ZNF865: variants seen among roughly 807,000 people sequenced by gnomAD.
The protein encoded by ZNF865 is zinc finger protein 865.
For missense variants in ZNF865, 1,311 were observed against 1,593.4 expected (o/e 0.82, Z 3.02); for synonymous variants, 763 against 750.8 (o/e 1.02, Z -0.27).
rs993134146 is a variant in ZNF865, at chr19:55,615,424, C to T, written c.1806C>T (p.Arg602=). 1.2e-5 allele frequency: 18 copies of T among 1,494,478 alleles called. No homozygotes were observed. Among genetic ancestry groups the T allele is most frequent in the Non-Finnish European group, 1.6e-5 (18 of 1,126,616 alleles). The allele number at this position is 1,494,478 out of a possible 1,614,324, so 92.6% of individuals were successfully genotyped here. A position where few individuals can be genotyped will look rare whatever the true frequency, so the allele number is the denominator to read the frequency against. The change falls in exon 2 of 2, where the codon CGC becomes CGT. Residue 602 remains arginine, a synonymous_variant. Coordinates refer to ENST00000568956, the MANE Select transcript of ZNF865 (RefSeq NM_001195605.2). The stretch of plus-strand genomic sequence containing the variant: ...GCAAGCATCACGTGGTGCACACGCG[C>T]GAGCGGCCCTACAAGTGCGAGCTCT... The part of the protein sequence containing the change: ...HLSKHHVVHT[R]ERPYKCELCG...
In ZNF865 at chr19:55,615,210, G is replaced by A; in HGVS notation, c.1592G>A (p.Gly531Asp). 2 of 1,451,634 alleles carry A rather than the reference G, an allele frequency of 1.4e-6. No homozygotes were observed. 89.9% of individuals were successfully genotyped at this position (1,451,634 alleles called of 1,614,324 possible). A position where few individuals can be genotyped will look rare whatever the true frequency, so the allele number is the denominator to read the frequency against. The change falls in exon 2 of 2, where the codon GGC becomes GAC. Residue 531 changes from glycine (G) to aspartate (D), a missense_variant. Coordinates refer to ENST00000568956, the MANE Select transcript of ZNF865 (RefSeq NM_001195605.2). ...PLLGAHPLLL[G>D]GAGTSGAGGS... Reference sequence around the variant, plus strand: ...CTGGGCGCCCACCCGCTGCTGCTCGGCGGCGCGGGGACCAGCGGGGCGGGA... The same window carrying A: ...CTGGGCGCCCACCCGCTGCTGCTCGACGGCGCGGGGACCAGCGGGGCGGGA...
chr19:55,615,211 C>G lies in ZNF865; in HGVS notation c.1593C>G (p.Gly531=). ...PLLGAHPLLL[G]GAGTSGAGGS... is the part of the protein sequence containing the mutation. ...TGGGCGCCCACCCGCTGCTGCTCGG[C>G]GGCGCGGGGACCAGCGGGGCGGGAG... Residue 531 remains glycine (G), a synonymous_variant, in exon 2 of 2, where the codon GGC becomes GGG. Coordinates refer to ENST00000568956, the MANE Select transcript of ZNF865 (RefSeq NM_001195605.2). 6.9e-7 allele frequency: 1 copy of G among 1,451,972 alleles called. No individual in the cohort carries two copies. The highest frequency in any genetic ancestry group is 9.0e-7 in the Non-Finnish European group (1 of 1,113,102). 89.9% of individuals were successfully genotyped at this position (1,451,972 alleles called of 1,614,324 possible). A position where few individuals can be genotyped will look rare whatever the true frequency, so the allele number is the denominator to read the frequency against.
Position 55,614,291 on chromosome 19 carries a change from C to T in ZNF865, c.673C>T (p.Pro225Ser). ...RLKYLMERRF[P>S]CGVCQKSFKQ... is the part of the protein sequence containing the mutation. ...GAAGTACCTGATGGAGCGGCGCTTCCCCTGCGGCGTGTGCCAGAAGTCCTT... is the reference window on the plus strand; with the variant it reads ...GAAGTACCTGATGGAGCGGCGCTTCTCCTGCGGCGTGTGCCAGAAGTCCTT... The change falls in exon 2 of 2, where the codon CCC (proline) becomes TCC (serine). Residue 225 changes from proline to serine, a missense_variant. By Grantham distance (74) the Pro-to-Ser change is moderately conservative (BLOSUM62 -1). Coordinates refer to ENST00000568956, the MANE Select transcript of ZNF865 (RefSeq NM_001195605.2). This position sits in a 1 kb window ranked among gnomAD's most constrained non-coding sequence, Gnocchi z 8.0. The T allele has an allele frequency of 6.6e-7, 1 of 1,511,722 alleles. No homozygotes were observed. Among genetic ancestry groups the T allele is most frequent in the Non-Finnish European group, 8.8e-7 (1 of 1,135,272 alleles). 93.6% of individuals were successfully genotyped at this position (1,511,722 alleles called of 1,614,324 possible).
At position 55,611,513 on chromosome 19, in the gene ZNF865, T is replaced by A. The variant is rs1003030958; in HGVS notation, c.-26-2080T>A. On this transcript the variant is annotated intron_variant, in intron 1 of 1. Coordinates refer to ENST00000568956, the MANE Select transcript of ZNF865 (RefSeq NM_001195605.2). This position sits in a 1 kb window ranked among gnomAD's most constrained non-coding sequence, Gnocchi z 4.5. Reference sequence around the variant, plus strand: ...CCTGTCCTCTTTCCGGAGATCAGATTAAACGGAGGGGGTGTGAAGGGCATG... The same window carrying A: ...CCTGTCCTCTTTCCGGAGATCAGATAAAACGGAGGGGGTGTGAAGGGCATG... 3.9e-5 allele frequency among the ~76,000 whole-genome samples: 6 copies of A among 152,188 alleles called. No individual in the cohort carries two copies. The highest frequency in any genetic ancestry group is 1.4e-4 in the African/African-American group (6 of 41,444).
rs1389247690 is a variant in ZNF865, at chr19:55,614,158, C to T, written c.540C>T (p.Pro180=). 3.5e-6 allele frequency: 5 copies of T among 1,448,724 alleles called. No individual in the cohort carries two copies. Among genetic ancestry groups the T allele is most frequent in the East Asian group, 5.4e-5 (2 of 36,876 alleles). 89.7% of individuals were successfully genotyped at this position (1,448,724 alleles called of 1,614,324 possible). A position where few individuals can be genotyped will look rare whatever the true frequency, so the allele number is the denominator to read the frequency against. The part of the protein sequence containing the change: ...GPGVTPGLGA[P]AGAPGPLPAP... ...GGGTGACGCCTGGGCTGGGCGCTCC[C>T]GCGGGGGCCCCAGGGCCGCTTCCTG... Residue 180 remains proline (P), a synonymous_variant, in exon 2 of 2, where the codon CCC becomes CCT. Coordinates refer to ENST00000568956, the MANE Select transcript of ZNF865 (RefSeq NM_001195605.2). This position sits in a 1 kb window ranked among gnomAD's most constrained non-coding sequence, Gnocchi z 8.0.
chr19:55,606,651 C>T (rs1600006247), intron 1 of ZNF865, among the ~76,000 whole-genome samples: 2 of 152,234 alleles, frequency 1.3e-5, no homozygotes, highest in East Asian at 3.8e-4. Context: ...GGCTATCGTC[C>T]TGGACTCCCT....
chr19:55,614,792 A>G lies in ZNF865; in HGVS notation c.1174A>G (p.Ser392Gly), dbSNP rs1194540789. ...CAGCAAAAGCTTCAACCGCAGGGAG[A>G]GTCTGAAGCGCCACGTGAAGACGCA... Reference protein sequence around the residue: ...VCSKSFNRRESLKRHVKTHSA... With the variant: ...VCSKSFNRREGLKRHVKTHSA... The change falls in exon 2 of 2, where the codon AGT (serine) becomes GGT (glycine). Residue 392 changes from serine to glycine, a missense_variant. Coordinates refer to ENST00000568956, the MANE Select transcript of ZNF865 (RefSeq NM_001195605.2). The surrounding 1 kb of genome is among the most constrained non-coding windows in gnomAD (Gnocchi z 8.0). 1.3e-6 allele frequency: 2 copies of G among 1,553,684 alleles called. No individual in the cohort carries two copies. Among genetic ancestry groups the G allele is most frequent in the Non-Finnish European group, 1.7e-6 (2 of 1,158,844 alleles).
chr19:55,614,210 C>T lies in ZNF865; in HGVS notation c.592C>T (p.Pro198Ser), dbSNP rs1389262414. The T allele has an allele frequency of 2.0e-6, 3 of 1,506,426 alleles. No homozygotes were observed. The East Asian group carries it at 8.0e-5, about 40-fold the overall frequency. The allele number at this position is 1,506,426 out of a possible 1,614,324, so 93.3% of individuals were successfully genotyped here. The change falls in exon 2 of 2, where the codon CCC (proline) becomes TCC (serine). Residue 198 changes from proline (P) to serine (S), a missense_variant. By Grantham distance (74) the Pro-to-Ser change is moderately conservative (BLOSUM62 -1). Transcript: ENST00000568956. This position sits in a 1 kb window ranked among gnomAD's most constrained non-coding sequence, Gnocchi z 8.0. ...PAPSQTPPGP[P>S]AAAACDPTKD... ...CCCCTCGCAGACCCCGCCAGGACCC[C>T]CCGCGGCGGCGGCCTGCGACCCCAC...
At position 55,615,191 on chromosome 19, in the gene ZNF865, G is replaced by C; in HGVS notation, c.1573G>C (p.Ala525Pro). Residue 525 changes from alanine to proline, a missense_variant, in exon 2 of 2, where the codon GCC becomes CCC. Physicochemically the swap from Ala to Pro is conservative, Grantham distance 27. Transcript: ENST00000568956. ...CGCTGTGCCCGTCCCGCTCCTGGGCGCCCACCCGCTGCTGCTCGGCGGCGC... is the reference window on the plus strand; with the variant it reads ...CGCTGTGCCCGTCCCGCTCCTGGGCCCCCACCCGCTGCTGCTCGGCGGCGC... ...YGAVPVPLLG[A>P]HPLLLGGAGT... 1 of 1,405,426 alleles carries C rather than the reference G, an allele frequency of 7.1e-7. No individual in the cohort carries two copies. Among genetic ancestry groups the C allele is most frequent in the Non-Finnish European group, 9.2e-7 (1 of 1,091,488 alleles). The allele number at this position is 1,405,426 out of a possible 1,614,324, so 87.1% of individuals were successfully genotyped here.
chr19:55,616,660 C>T lies in ZNF865; in HGVS notation c.3042C>T (p.Gly1014=). Residue 1014 remains glycine (G), a synonymous_variant, in exon 2 of 2, where the codon GGC becomes GGT. Coordinates refer to ENST00000568956, the MANE Select transcript of ZNF865 (RefSeq NM_001195605.2). ...AGCACCTGGCTGCCCACCAGGGCGG[C>T]CGGCCCTTCCGCTGCTCCTCCTGCG... is the stretch of plus-strand genomic sequence containing the variant. ...FRKHLAAHQG[G]RPFRCSSCGE... 2.0e-6 allele frequency: 3 copies of T among 1,529,454 alleles called. No homozygotes were observed. Among genetic ancestry groups the T allele is most frequent in the Middle Eastern group, 3.4e-4 (2 of 5,952 alleles). The allele number at this position is 1,529,454 out of a possible 1,614,324, so 94.7% of individuals were successfully genotyped here. A position where few individuals can be genotyped will look rare whatever the true frequency, so the allele number is the denominator to read the frequency against.
chr19:55,607,728 A>G (rs1303490581), intron 1 of ZNF865, among the ~76,000 whole-genome samples: 1 of 152,124 alleles, frequency 6.6e-6, no homozygotes, highest in Non-Finnish European at 1.5e-5. Context: ...AAGAGTAAAA[A>G]TTCCCCTTCT....
intron 1 of ZNF865, among the ~76,000 whole-genome samples, chr19:55,609,538 T>C (rs1231035509): frequency 1.1e-4 from 17 of 152,176 alleles, no homozygotes; most frequent in African/African-American, 2.4e-5. Flanking sequence ...CAAGGCAGCG[T>C]TGTTGCAGCA....
chr19:55,615,826 C>T lies in ZNF865; in HGVS notation c.2208C>T (p.Pro736=). 6.6e-7 allele frequency: 1 copy of T among 1,508,418 alleles called. No individual in the cohort carries two copies. Among genetic ancestry groups the T allele is most frequent in the South Asian group, 1.2e-5 (1 of 80,730 alleles). The allele number at this position is 1,508,418 out of a possible 1,614,324, so 93.4% of individuals were successfully genotyped here. ...LLPPAPGGLQ[P]PDGSSGTDAA... is the part of the protein sequence containing the mutation. ...CGCCCGCACCCGGCGGCCTGCAGCCCCCGGACGGCTCCAGCGGCACGGATG... is the reference window on the plus strand; with the variant it reads ...CGCCCGCACCCGGCGGCCTGCAGCCTCCGGACGGCTCCAGCGGCACGGATG... The change falls in exon 2 of 2, where the codon CCC becomes CCT. Residue 736 remains proline, a synonymous_variant. Transcript: ENST00000568956.
Position 55,613,866 on chromosome 19 carries a change from C to T in ZNF865, c.248C>T (p.Ser83Phe). Reference protein sequence around the residue: ...PPPQYDYPPQSTFKPKAEVPS... With the variant: ...PPPQYDYPPQFTFKPKAEVPS... ...CCGCAGTATGACTACCCGCCCCAGTCCACCTTCAAGCCCAAGGCGGAGGTG... is the reference window on the plus strand; with the variant it reads ...CCGCAGTATGACTACCCGCCCCAGTTCACCTTCAAGCCCAAGGCGGAGGTG... Residue 83 changes from serine to phenylalanine, a missense_variant, in exon 2 of 2, where the codon TCC becomes TTC. Physicochemically the swap from Ser to Phe is radical, Grantham distance 155 (BLOSUM62 -2). Transcript: ENST00000568956. The T allele has an allele frequency of 6.7e-7, 1 of 1,489,544 alleles. No homozygotes were observed. The highest frequency in any genetic ancestry group is 1.2e-5 in the South Asian group (1 of 82,710). 92.3% of individuals were successfully genotyped at this position (1,489,544 alleles called of 1,614,324 possible). A position where few individuals can be genotyped will look rare whatever the true frequency, so the allele number is the denominator to read the frequency against.
In ZNF865 at chr19:55,615,011, C is replaced by A; in HGVS notation, c.1393C>A (p.Pro465Thr). The A allele has an allele frequency of 7.4e-7, 1 of 1,352,736 alleles. No individual in the cohort carries two copies. The highest frequency in any genetic ancestry group is 9.5e-7 in the Non-Finnish European group (1 of 1,057,850). The allele number at this position is 1,352,736 out of a possible 1,614,324, so 83.8% of individuals were successfully genotyped here. The change falls in exon 2 of 2, where the codon CCG becomes ACG. Residue 465 changes from proline (P) to threonine (T), a missense_variant. Physicochemically the swap from Pro to Thr is conservative, Grantham distance 38 (BLOSUM62 -1). Transcript: ENST00000568956. The stretch of plus-strand genomic sequence containing the variant: ...GCTCCGCCACAAGGCCGCCCACGCC[C>A]CGCCCGCTGCCGCTGCGGAGGCGCC... The part of the protein sequence containing the change: ...SLLRHKAAHA[P>T]PAAAAEAPKD...
In ZNF865 at chr19:55,615,253, C is replaced by A; in HGVS notation, c.1635C>A (p.Val545=). Residue 545 remains valine, a synonymous_variant, in exon 2 of 2, where the codon GTC becomes GTA. Coordinates refer to ENST00000568956, the MANE Select transcript of ZNF865 (RefSeq NM_001195605.2). The stretch of plus-strand genomic sequence containing the variant: ...GGGCGGGAGGCTCGGGCGCCAGCGT[C>A]CCAGGAAAGACGTTCTGCTGCGGCA... The part of the protein sequence containing the change: ...TSGAGGSGAS[V]PGKTFCCGIC... 1.3e-6 allele frequency: 2 copies of A among 1,518,866 alleles called. No individual in the cohort carries two copies. Among genetic ancestry groups the A allele is most frequent in the Admixed American group, 4.1e-5 (2 of 49,068 alleles). The allele number at this position is 1,518,866 out of a possible 1,614,324, so 94.1% of individuals were successfully genotyped here.
At chr19:55,608,587 T>C (rs955861278) in intron 1 of ZNF865, among the ~76,000 whole-genome samples, 1 of 152,212 alleles carries the variant, frequency 6.6e-6, no homozygotes, top group East Asian at 1.9e-4. Flanking sequence ...ATGCTGGGAT[T>C]ACAGGCGTGA....
intron 1 of ZNF865, among the ~76,000 whole-genome samples, chr19:55,607,770 TC>T (rs1184725977): frequency 5.3e-5 from 8 of 152,152 alleles, no homozygotes; most frequent in Non-Finnish European, 1.0e-4. Flanking sequence ...TGGGGGCTGC[TC>T]TTAACAGCGC....
At chr19:55,606,637 C>A (rs567330113) in intron 1 of ZNF865, among the ~76,000 whole-genome samples, 2 of 152,382 alleles carry the variant, frequency 1.3e-5, no homozygotes, top group East Asian at 3.9e-4. Context: ...TCACCCAGCT[C>A]TCAGGCTATC....
Sources: allele counts gnomAD v4.1 joint callset (sites outside exome capture counted in the v4.1 genomes callset), GRCh38; gene constraint gnomAD v4.1.1; non-coding constraint Gnocchi (gnomAD v3.1); transcripts MANE v1.5; gene names NCBI Gene and HGNC (gene_info 2026-07-23, HGNC 2026-07-21).